RANBP17: variants seen among roughly 807,000 people sequenced by gnomAD.
RANBP17 encodes ran-binding protein 17.
Under a neutral mutation model 141.2 loss-of-function variants are expected in RANBP17, and 158 were observed. The observed-to-expected ratio is 1.12, with a 90% confidence interval of 0.98 to 1.28. The LOEUF is 1.28. Among genes scored for constraint, RANBP17 ranks in the 50% most tolerant of loss-of-function variants. The probability of loss-of-function intolerance (pLI) is 0.00; values close to 1 mark genes in which losing one functional copy is unlikely to be tolerated. For missense variants in RANBP17, 1,438 were observed against 1,290.7 expected (o/e 1.11, Z -1.75); for synonymous variants, 430 against 450.0 (o/e 0.96, Z 0.56).
At chr5:171,068,253 T>A (rs1031541887) in intron 14 of RANBP17, among the ~76,000 whole-genome samples, 12 of 152,188 alleles carry the variant, frequency 7.9e-5, no homozygotes, top group African/African-American at 2.9e-4. Flanking sequence ...CCTGCTTGGT[T>A]AATTTTATAA....
Position 170,896,964 on chromosome 5 carries a change from C to G in RANBP17, c.489+849C>G, listed in dbSNP as rs886743464. The G allele has an allele frequency of 1.8e-5, 18 of 1,002,764 alleles. No individual in the cohort carries two copies. The Admixed American group carries it at 2.5e-4, about 14-fold the overall frequency. The allele number at this position is 1,002,764 out of a possible 1,614,324, so 62.1% of individuals were successfully genotyped here. On this transcript the variant is annotated intron_variant, in intron 5 of 27. Transcript: ENST00000523189. ...TGGTGGTCATACTGGTTGGCCAGTGCGAAAACCAGATTGGCTGCTGCTTCT... is the reference window on the plus strand; with the variant it reads ...TGGTGGTCATACTGGTTGGCCAGTGGGAAAACCAGATTGGCTGCTGCTTCT...
At chr5:171,063,685 CT>C (rs1261710523) in intron 14 of RANBP17, among the ~76,000 whole-genome samples, 1 of 152,220 alleles carries the variant, frequency 6.6e-6, no homozygotes, top group African/African-American at 2.4e-5. Flanking sequence ...CCACTGCTCT[CT>C]TCAAAGCTCT....
chr5:170,965,860 T>G (rs1347377878), intron 13 of RANBP17, among the ~76,000 whole-genome samples: 3 of 152,182 alleles, frequency 2.0e-5, no homozygotes, highest in Non-Finnish European at 4.4e-5. Context: ...TCTTTTGGCT[T>G]AGGATTGACT....
intron 1 of RANBP17, among the ~76,000 whole-genome samples, chr5:170,874,427 G>T (rs1040499081): frequency 1.3e-5 from 2 of 152,046 alleles, no homozygotes; most frequent in African/African-American, 4.8e-5. Context: ...TTGACAGTGG[G>T]GTGTTAAATT....
intron 14 of RANBP17, among the ~76,000 whole-genome samples, chr5:171,058,508 T>C (rs1022599823): frequency 9.2e-5 from 14 of 152,124 alleles, no homozygotes; most frequent in African/African-American, 4.8e-5. Context: ...TTTTTATGGC[T>C]GCATAGTATT....
chr5:170,960,595 A>G (rs768684643), intron 13 of RANBP17, among the ~76,000 whole-genome samples: 1 of 152,114 alleles, frequency 6.6e-6, no homozygotes, highest in Non-Finnish European at 1.5e-5. Context: ...TAGTCCACCT[A>G]TCCTATCTCC....
intron 13 of RANBP17, among the ~76,000 whole-genome samples, chr5:170,959,233 C>T (rs1474859716): frequency 6.6e-6 from 1 of 152,168 alleles, no homozygotes; most frequent in Non-Finnish European, 1.5e-5. Context: ...GAGTTTTCCT[C>T]TCTCTCCCAA....
intron 12 of RANBP17, among the ~76,000 whole-genome samples, chr5:170,948,283 G>A (rs1387100326): frequency 6.6e-6 from 1 of 152,106 alleles, no homozygotes; most frequent in Non-Finnish European, 1.5e-5. Flanking sequence ...TTAAAGCTAA[G>A]TACCTAGGAT....
chr5:171,107,567 T>G (rs529590000), intron 14 of RANBP17, among the ~76,000 whole-genome samples: 1 of 152,306 alleles, frequency 6.6e-6, no homozygotes, highest in South Asian at 2.1e-4. Flanking sequence ...ATGCCCTCTG[T>G]GCTAGGGCAG....
At chr5:171,297,877 A>G (rs1768920484) in intron 27 of RANBP17, among the ~76,000 whole-genome samples, 1 of 97,216 alleles carries the variant, frequency 1.0e-5, no homozygotes, top group African/African-American at 4.2e-5. Flanking sequence ...TTTTTTTGAG[A>G]CAGAGTCTCG....
intron 14 of RANBP17, among the ~76,000 whole-genome samples, chr5:171,013,178 A>G (rs1184263641): frequency 2.0e-5 from 3 of 152,182 alleles, no homozygotes; most frequent in Non-Finnish European, 2.9e-5. Context: ...TGTTCAGAGC[A>G]GTTCCCAGAA....
At chr5:171,252,091 CAG>C in intron 24 of RANBP17, 1 of 1,599,228 alleles carries the variant, frequency 6.3e-7, no homozygotes, top group Non-Finnish European at 8.6e-7. Flanking sequence ...CATAGCCACT[CAG>C]AAGAAAAAGT....
At position 171,170,201 on chromosome 5, in the gene RANBP17, AATG is replaced by A; in HGVS notation, c.1783_1784+1del. On this transcript the variant is annotated splice_donor_variant and coding_sequence_variant, in exon 15 of 28. Transcript: ENST00000523189. LOFTEE classifies it high-confidence loss of function. ...ACGTTCTAGAGACGTTCATGACAAA[AATG>A]TGAGTTCTTGTTTTGGTCTTTAATT... 6.5e-7 allele frequency: 1 copy of A among 1,547,758 alleles called. No homozygotes were observed. The highest frequency in any genetic ancestry group is 8.8e-7 in the Non-Finnish European group (1 of 1,139,832).
At chr5:171,100,914 G>A (rs1330768045) in intron 14 of RANBP17, among the ~76,000 whole-genome samples, 1 of 152,178 alleles carries the variant, frequency 6.6e-6, no homozygotes, top group African/African-American at 2.4e-5. Context: ...GCAGTTTTGA[G>A]TGAGTTTCTT....
intron 6 of RANBP17, chr5:170,909,980 C>T (rs1035634388): frequency 5.6e-6 from 2 of 357,794 alleles, no homozygotes; most frequent in Non-Finnish European, 9.9e-6. Context: ...CAAAGGGAAT[C>T]TAATAACTTA....
At chr5:170,900,540 C>T (rs1316771651) in intron 5 of RANBP17, among the ~76,000 whole-genome samples, 2 of 152,064 alleles carry the variant, frequency 1.3e-5, no homozygotes, top group Non-Finnish European at 2.9e-5. Flanking sequence ...ATAGTTATTT[C>T]TTGTCTTCAG....
chr5:170,872,063 A>G (rs765605400), intron 1 of RANBP17, among the ~76,000 whole-genome samples: 12 of 152,078 alleles, frequency 7.9e-5, no homozygotes, highest in African/African-American at 1.4e-4. Flanking sequence ...AAGAATGTCA[A>G]TGGTAGTTTG....
chr5:171,215,976 T>G (rs1429206373), intron 21 of RANBP17, among the ~76,000 whole-genome samples: 1 of 152,224 alleles, frequency 6.6e-6, no homozygotes, highest in Non-Finnish European at 1.5e-5. Context: ...ATGAAGTCTT[T>G]GCCCATGCCT....
chr5:170,883,916 A>T (rs377002759), intron 3 of RANBP17, among the ~76,000 whole-genome samples: 10 of 152,164 alleles, frequency 6.6e-5, no homozygotes, highest in Non-Finnish European at 1.0e-4. Flanking sequence ...ATCAACATAC[A>T]TATGTGGGTT....
Sources: gnomAD v4.1 joint callset for allele counts (sites outside exome capture counted in the v4.1 genomes callset) on GRCh38, gnomAD v4.1.1 for gene constraint, MANE v1.5 for transcripts, NCBI Gene and HGNC (gene_info 2026-07-23, HGNC 2026-07-21) for gene names.